The following TRAPPC9 variants were observed in gnomAD, a reference collection of about 807,000 sequenced individuals.
The protein encoded by TRAPPC9 is trafficking protein particle complex subunit 9.
TRAPPC9 carries 83 observed loss-of-function variants against 124.0 expected under a neutral mutation model. The observed-to-expected ratio is 0.67, with a 90% CI of 0.56 to 0.80. The LOEUF (loss-of-function observed/expected upper bound fraction) is 0.80, where lower values mean the gene tolerates loss of function less well. TRAPPC9 is among the 30% of genes least tolerant of loss of function. The pLI is 0.00. For synonymous variants in TRAPPC9, 638 were observed against 617.5 expected (o/e 1.03, Z -0.49); for missense variants, 1,302 against 1,508.3 (o/e 0.86, Z 2.27).
intron 4 of TRAPPC9, among the ~76,000 whole-genome samples, chr8:140,429,363 C>T (rs1361958921): frequency 6.6e-6 from 1 of 152,038 alleles, no homozygotes; most frequent in Non-Finnish European, 1.5e-5. Flanking sequence ...GCTGGGATTA[C>T]AGGTGTGAGC....
At chr8:139,887,489 G>A (rs959141090) in intron 20 of TRAPPC9, among the ~76,000 whole-genome samples, 1 of 152,228 alleles carries the variant, frequency 6.6e-6, no homozygotes, top group Non-Finnish European at 1.5e-5. Context: ...CTCCCAAAGT[G>A]TTGGGATTAC....
At chr8:140,434,557 A>C (rs2070747369) in intron 4 of TRAPPC9, among the ~76,000 whole-genome samples, 1 of 152,200 alleles carries the variant, frequency 6.6e-6, no homozygotes, top group Non-Finnish European at 1.5e-5. Flanking sequence ...ACAGAACCTC[A>C]AGTCTGTTCT....
intron 14 of TRAPPC9, among the ~76,000 whole-genome samples, chr8:140,282,206 C>T (rs2065344452): frequency 6.6e-6 from 1 of 152,026 alleles, no homozygotes; most frequent in South Asian, 2.1e-4. Context: ...TTCGTAAGTG[C>T]AAAAATTAAG....
intron 17 of TRAPPC9, among the ~76,000 whole-genome samples, chr8:140,058,656 A>G (rs1216318362): frequency 6.6e-6 from 1 of 152,214 alleles, no homozygotes; most frequent in Non-Finnish European, 1.5e-5. Context: ...AGGAGGAACT[A>G]AGAACAGCCG....
intron 20 of TRAPPC9, among the ~76,000 whole-genome samples, chr8:139,891,207 T>C (rs1017014403): frequency 6.6e-6 from 1 of 152,234 alleles, no homozygotes; most frequent in Non-Finnish European, 1.5e-5. Context: ...GATTTGAATA[T>C]CCTCATTTTA....
intron 19 of TRAPPC9, among the ~76,000 whole-genome samples, chr8:139,944,296 C>A (rs1252909962): frequency 6.6e-6 from 1 of 152,046 alleles, no homozygotes; most frequent in African/African-American, 2.4e-5. Flanking sequence ...TAATGAAGAC[C>A]ATCAGAAATA....
intron 17 of TRAPPC9, among the ~76,000 whole-genome samples, chr8:140,038,439 T>G (rs1456094513): frequency 2.6e-5 from 4 of 152,190 alleles, no homozygotes; most frequent in Admixed American, 6.5e-5. Flanking sequence ...ATGACAGTAT[T>G]GTGGGGAACA....
rs79580665 is a variant in TRAPPC9, at chr8:140,203,244, G to C, written c.2556+18215C>G. ...TATAGTCATCTAATTTTGAATTACG[G>C]GGAAAACACACCCGCAGGTATTCAT... On this transcript the variant is annotated intron_variant, in intron 17 of 22. Coordinates refer to ENST00000438773, the MANE Select transcript of TRAPPC9 (RefSeq NM_001160372.4). 4.4e-3 allele frequency among the ~76,000 whole-genome samples: 673 copies of C among 152,232 alleles called. 5 individuals are homozygous for C. In the South Asian group the frequency reaches 0.048, roughly 11 times the overall value.
At chr8:140,407,196 CTCACAATT>C (rs2069525851) in intron 5 of TRAPPC9, among the ~76,000 whole-genome samples, 1 of 152,176 alleles carries the variant, frequency 6.6e-6, no homozygotes, top group Admixed American at 6.5e-5. Context: ...CTTACTAGTT[CTCACAATT>C]ACAGAGCTGG....
chr8:140,212,495 T>C (rs892165569), intron 17 of TRAPPC9, among the ~76,000 whole-genome samples: 4 of 152,204 alleles, frequency 2.6e-5, no homozygotes, highest in Non-Finnish European at 5.9e-5. Flanking sequence ...AATTTTTGCT[T>C]AAAATTTTTG....
At chr8:139,762,905 T>C (rs1173699165) in intron 21 of TRAPPC9, among the ~76,000 whole-genome samples, 2 of 152,094 alleles carry the variant, frequency 1.3e-5, no homozygotes, top group African/African-American at 2.4e-5. Flanking sequence ...TGCCTGGTGA[T>C]GGGAGGTGGA....
At chr8:139,738,302 C>T (rs1028503577) in intron 21 of TRAPPC9, among the ~76,000 whole-genome samples, 5 of 152,202 alleles carry the variant, frequency 3.3e-5, no homozygotes, top group East Asian at 3.9e-4. Context: ...GGACTTCCTT[C>T]GCAACAGAAG....
At chr8:139,767,235 G>A (rs150479327) in intron 21 of TRAPPC9, among the ~76,000 whole-genome samples, 63 of 152,340 alleles carry the variant, frequency 4.1e-4, no homozygotes, top group Non-Finnish European at 7.2e-4. Context: ...ACATCACACA[G>A]CTAGACAGGG....
At chr8:140,045,354 G>A (rs752029109) in intron 17 of TRAPPC9, among the ~76,000 whole-genome samples, 10 of 152,258 alleles carry the variant, frequency 6.6e-5, no homozygotes, top group South Asian at 2.1e-4. Flanking sequence ...GGCCAGGTGC[G>A]GTGGCTCATG....
chr8:140,086,527 T>C (rs78732100), intron 17 of TRAPPC9, among the ~76,000 whole-genome samples: 9,161 of 152,192 alleles, frequency 0.06, 430 homozygotes, highest in African/African-American at 0.14. Flanking sequence ...CTCTGGGGGA[T>C]TGGTCCCAGG....
At chr8:139,946,414 A>G (rs1368706633) in intron 19 of TRAPPC9, among the ~76,000 whole-genome samples, 1 of 152,162 alleles carries the variant, frequency 6.6e-6, no homozygotes, top group Non-Finnish European at 1.5e-5. Context: ...GCTGGTATAT[A>G]GCAGGCGCTT....
Position 139,776,676 on chromosome 8 carries a change from G to GCA in TRAPPC9, c.3056-44476_3056-44475dup, listed in dbSNP as rs138655288. ...CACGTGTGTGTCTGTGTGTGTGTGC[G>GCA]CACACACACACAGAAAGGCACATGT... On this transcript the variant is annotated intron_variant, in intron 21 of 22. Transcript: ENST00000438773. The surrounding 1 kb of genome is among the most constrained non-coding windows in gnomAD (Gnocchi z 4.1). Among the ~76,000 whole-genome samples the GCA allele has an allele frequency of 4.0e-5, 6 of 151,478 alleles. No homozygotes were observed. Among genetic ancestry groups the GCA allele is most frequent in the Admixed American group, 3.3e-4 (5 of 15,224 alleles).
chr8:140,454,880 C>T (rs2071597945), intron 1 of TRAPPC9, among the ~76,000 whole-genome samples: 1 of 147,608 alleles, frequency 6.8e-6, no homozygotes, highest in East Asian at 2.0e-4. Context: ...GAGGAGGTTA[C>T]AGTGAACTGA....
At chr8:140,015,273 A>G (rs1839390226) in intron 18 of TRAPPC9, among the ~76,000 whole-genome samples, 3 of 152,224 alleles carry the variant, frequency 2.0e-5, no homozygotes, top group African/African-American at 7.2e-5. Flanking sequence ...GAACCTGAGC[A>G]AATCAGAAAA....
Sources: allele counts gnomAD v4.1 joint callset (sites outside exome capture counted in the v4.1 genomes callset), GRCh38; gene constraint gnomAD v4.1.1; non-coding constraint Gnocchi (gnomAD v3.1); transcripts MANE v1.5; gene names NCBI Gene and HGNC (gene_info 2026-07-23, HGNC 2026-07-21).